ESRRG: variants seen among roughly 807,000 people sequenced by gnomAD.
ESRRG encodes estrogen related receptor gamma, also known as estrogen-related receptor gamma.
Under a neutral mutation model 44.0 loss-of-function variants are expected in ESRRG, and 13 were observed. The ratio of observed to expected loss-of-function variants is 0.30; its 90% CI spans 0.19 to 0.47. The LOEUF is 0.47. Among genes scored for constraint, ESRRG ranks in the 20% least tolerant of loss-of-function variants. The pLI, the probability that ESRRG is intolerant of heterozygous loss-of-function variation, is 1.00. For missense variants in ESRRG, 395 were observed against 580.6 expected (o/e 0.68, Z 3.29); for synonymous variants, 215 against 214.6 (o/e 1.00, Z -0.02).
chr1:216,929,506 C>T (rs2063043003), intron 2 of ESRRG, among the ~76,000 whole-genome samples: 2 of 152,050 alleles, frequency 1.3e-5, no homozygotes, highest in African/African-American at 2.4e-5. Flanking sequence ...AGAGGGAGTG[C>T]TTGAAGAAAT....
chr1:216,905,236 G>T (rs2059557616), intron 2 of ESRRG, among the ~76,000 whole-genome samples: 1 of 152,102 alleles, frequency 6.6e-6, no homozygotes, highest in South Asian at 2.1e-4. Flanking sequence ...ATGCAATCGG[G>T]TCTCAGCTTA....
intron 3 of ESRRG, among the ~76,000 whole-genome samples, chr1:216,610,463 C>T (rs2060492866): frequency 6.6e-6 from 1 of 151,970 alleles, no homozygotes; most frequent in Admixed American, 6.6e-5. Context: ...TTAGCTTTAG[C>T]GTGATAAGAC....
intron 5 of ESRRG, among the ~76,000 whole-genome samples, chr1:216,553,877 T>G (rs74467342): frequency 6.6e-6 from 1 of 152,034 alleles, no homozygotes; most frequent in Non-Finnish European, 1.5e-5. Context: ...AATCAAAAAT[T>G]TTAAAAGTGT....
chr1:216,697,271 TATC>T (rs555044055), intron 1 of ESRRG, among the ~76,000 whole-genome samples: 15 of 152,298 alleles, frequency 9.8e-5, no homozygotes, highest in African/African-American at 3.6e-4. Flanking sequence ...TGGCCCCAAA[TATC>T]ATGTTTAATT....
intron 2 of ESRRG, among the ~76,000 whole-genome samples, chr1:216,663,537 C>G (rs1325585759): frequency 1.3e-5 from 2 of 151,788 alleles, no homozygotes; most frequent in African/African-American, 2.4e-5. Flanking sequence ...TTTTTTAAGT[C>G]TGCTCAAACC....
intron 2 of ESRRG, among the ~76,000 whole-genome samples, chr1:216,781,864 C>T (rs2093949320): frequency 6.6e-6 from 1 of 151,992 alleles, no homozygotes; most frequent in African/African-American, 2.4e-5. Flanking sequence ...TTATGTACTG[C>T]ACAGTGGTAG....
chr1:216,614,007 T>C (rs2061040428), intron 3 of ESRRG, among the ~76,000 whole-genome samples: 1 of 152,230 alleles, frequency 6.6e-6, no homozygotes, highest in Non-Finnish European at 1.5e-5. Flanking sequence ...TTGTCCAAGC[T>C]GCACTAAATT....
At chr1:216,737,337 G>T (rs1276620688) in intron 2 of ESRRG, among the ~76,000 whole-genome samples, 1 of 152,136 alleles carries the variant, frequency 6.6e-6, no homozygotes, top group Non-Finnish European at 1.5e-5. Flanking sequence ...GGGCTGGTGG[G>T]TTAAAGTCTT....
chr1:217,109,650 G>A (rs2092638840), intron 1 of ESRRG, among the ~76,000 whole-genome samples: 1 of 152,106 alleles, frequency 6.6e-6, no homozygotes, highest in African/African-American at 2.4e-5. Flanking sequence ...CTGCCATGGG[G>A]GCTAGTGGGA....
intron 2 of ESRRG, among the ~76,000 whole-genome samples, chr1:216,932,807 A>G (rs982137438): frequency 2.7e-5 from 4 of 147,950 alleles, no homozygotes; most frequent in African/African-American, 1.0e-4. Flanking sequence ...GCCTCAAGCA[A>G]TCCTCCCACT....
At chr1:216,558,246 A>T (rs755407205) in intron 5 of ESRRG, among the ~76,000 whole-genome samples, 2 of 152,152 alleles carry the variant, frequency 1.3e-5, no homozygotes, top group Non-Finnish European at 2.9e-5. Flanking sequence ...TTTTTTCAAA[A>T]CTTATTTCTC....
intron 1 of ESRRG, among the ~76,000 whole-genome samples, chr1:217,121,926 T>G (rs2092825396): frequency 6.6e-6 from 1 of 152,190 alleles, no homozygotes; most frequent in Non-Finnish European, 1.5e-5. Flanking sequence ...GATGGTGTAA[T>G]AGGAGCAGAA....
At chr1:216,936,423 A>G (rs907859554) in intron 2 of ESRRG, among the ~76,000 whole-genome samples, 8 of 152,082 alleles carry the variant, frequency 5.3e-5, no homozygotes, top group Non-Finnish European at 7.4e-5. Context: ...GTTGATGACT[A>G]TTAATGTGAA....
At chr1:216,779,285 ATTATAT>A (rs2093772581) in intron 2 of ESRRG, among the ~76,000 whole-genome samples, 1 of 24,388 alleles carries the variant, frequency 4.1e-5, no homozygotes, top group Non-Finnish European at 5.9e-5. Flanking sequence ...ATTTATAAAC[ATTATAT>A]TTATATTTAT....
chr1:216,939,343 C>CAAAAA lies in ESRRG; in HGVS notation c.-14+234_-14+238dup, dbSNP rs201260010. ...TCTTCCAGAATATCCTACACATAGA[C>CAAAAA]AAAAAAAAAAAAAAAAAAAAAAAAA... On this transcript the variant is annotated intron_variant, in intron 2 of 7. Transcript: ENST00000359162. Among the ~76,000 whole-genome samples the CAAAAA allele has an allele frequency of 6.6e-4, 33 of 50,074 alleles. 2 individuals are homozygous for CAAAAA. Among genetic ancestry groups the CAAAAA allele is most frequent in the African/African-American group, 1.7e-3 (29 of 16,854 alleles). The allele number at this position is 50,074 out of a possible 152,430, so 32.9% of individuals were successfully genotyped here.
chr1:217,115,025 C>T (rs143281008), intron 1 of ESRRG, among the ~76,000 whole-genome samples: 3 of 152,030 alleles, frequency 2.0e-5, no homozygotes, highest in Non-Finnish European at 4.4e-5. Flanking sequence ...GGGAAGAGGG[C>T]GGCACTCCGT....
chr1:216,651,271 A>G (rs944269061), intron 2 of ESRRG, among the ~76,000 whole-genome samples, 182 bp from the exon 3 acceptor site: 4 of 152,164 alleles, frequency 2.6e-5, no homozygotes, highest in Admixed American at 2.6e-4. Context: ...CAAAAGATAC[A>G]TGGGGCAAGG....
chr1:217,057,517 A>T (rs1297689895), intron 1 of ESRRG, among the ~76,000 whole-genome samples: 1 of 152,170 alleles, frequency 6.6e-6, no homozygotes, highest in Non-Finnish European at 1.5e-5. Flanking sequence ...ACCAAAGAAC[A>T]TGACCATCTG....
chr1:217,076,033 TGTTAAAAGGA>T (rs1482325442), intron 1 of ESRRG, among the ~76,000 whole-genome samples: 2 of 152,200 alleles, frequency 1.3e-5, no homozygotes, highest in Non-Finnish European at 2.9e-5. Flanking sequence ...AGAATCTATA[TGTTAAAAGGA>T]GTTAAAAGAG....
Sources: gnomAD v4.1 joint callset for allele counts (sites outside exome capture counted in the v4.1 genomes callset) on GRCh38, gnomAD v4.1.1 for gene constraint, MANE v1.5 for transcripts, NCBI Gene and HGNC (gene_info 2026-07-23, HGNC 2026-07-21) for gene names.